The following SORCS3 variants were observed in gnomAD, a reference collection of about 807,000 sequenced individuals.
SORCS3 encodes the protein sortilin related VPS10 domain containing receptor 3.
In SORCS3, 57 loss-of-function variants were observed where a neutral mutation model predicts 146.3. That is an observed-to-expected ratio of 0.39 (90% confidence interval 0.31 to 0.49). The LOEUF (loss-of-function observed/expected upper bound fraction) is 0.49, where lower values mean the gene tolerates loss of function less well. Among genes scored for constraint, SORCS3 ranks in the 20% least tolerant of loss-of-function variants. The pLI, the probability that SORCS3 is intolerant of heterozygous loss-of-function variation, is 0.92. For synonymous variants in SORCS3, 653 were observed against 618.5 expected (o/e 1.06, Z -0.83); for missense variants, 1,341 against 1,575.5 (o/e 0.85, Z 2.52).
chr10:104,643,455 G>A (rs949803809), intron 1 of SORCS3, among the ~76,000 whole-genome samples: 24 of 152,354 alleles, frequency 1.6e-4, no homozygotes, highest in Middle Eastern at 3.4e-3. Context: ...AAGGACCAGT[G>A]AAGTCCAGCT....
intron 4 of SORCS3, among the ~76,000 whole-genome samples, chr10:105,026,569 A>G (rs1460027961): frequency 2.0e-5 from 3 of 152,244 alleles, no homozygotes; most frequent in Admixed American, 2.0e-4. Context: ...CAGACATGGA[A>G]TCAACCTAGA....
chr10:105,009,071 A>G (rs1489576852), intron 4 of SORCS3, among the ~76,000 whole-genome samples: 5 of 152,130 alleles, frequency 3.3e-5, no homozygotes, highest in African/African-American at 4.8e-5. Context: ...AGCAGTTACT[A>G]TATGTCAGTC....
At chr10:104,989,520 T>G (rs1055688640) in intron 4 of SORCS3, among the ~76,000 whole-genome samples, 1 of 152,204 alleles carries the variant, frequency 6.6e-6, no homozygotes, top group Non-Finnish European at 1.5e-5. Flanking sequence ...ATTTTTCTTT[T>G]GTAATTTCAT....
Position 104,880,122 on chromosome 10 carries a change from C to T in SORCS3, c.696-35711C>T, listed in dbSNP as rs573176149. Among the ~76,000 whole-genome samples the T allele has an allele frequency of 4.6e-5, 7 of 152,296 alleles. No individual in the cohort carries two copies. In the South Asian group the frequency reaches 1.0e-3, roughly 23 times the overall value. On this transcript the variant is annotated intron_variant, in intron 2 of 26. Coordinates refer to ENST00000369701, the MANE Select transcript of SORCS3 (RefSeq NM_014978.3). The stretch of plus-strand genomic sequence containing the variant: ...CTATAACTTCCTGGAGGGCGGCAAG[C>T]CTACGTTATCTTCCTCTTATATTCC...
At chr10:105,182,006 TG>T (rs2056445425) in intron 14 of SORCS3, among the ~76,000 whole-genome samples, 1 of 152,010 alleles carries the variant, frequency 6.6e-6, no homozygotes, top group South Asian at 2.1e-4. Flanking sequence ...TGATAAGAAA[TG>T]TTTGAACCAA....
intron 1 of SORCS3, among the ~76,000 whole-genome samples, chr10:104,767,101 A>C (rs948527033): frequency 6.6e-6 from 1 of 152,208 alleles, no homozygotes; most frequent in Non-Finnish European, 1.5e-5. Flanking sequence ...CTAGCCTCAC[A>C]TCCCCAAGTT....
At chr10:105,025,683 G>C (rs757318911) in intron 4 of SORCS3, among the ~76,000 whole-genome samples, 2 of 152,026 alleles carry the variant, frequency 1.3e-5, no homozygotes, top group African/African-American at 4.8e-5. Flanking sequence ...TCGCCTGTTT[G>C]GTTGTTTCCC....
At chr10:104,882,596 A>G (rs2018642441) in intron 2 of SORCS3, among the ~76,000 whole-genome samples, 1 of 152,172 alleles carries the variant, frequency 6.6e-6, no homozygotes, top group Non-Finnish European at 1.5e-5. Flanking sequence ...AGAGAGAGAA[A>G]GCATTGGGAA....
At chr10:105,241,482 C>G (rs2056822895) in intron 20 of SORCS3, among the ~76,000 whole-genome samples, 1 of 152,234 alleles carries the variant, frequency 6.6e-6, no homozygotes, top group Admixed American at 6.5e-5. Context: ...GGCCCCTTGC[C>G]TTGTCATGTG....
chr10:105,182,702 G>C (rs867171341), intron 14 of SORCS3, among the ~76,000 whole-genome samples: 1 of 152,018 alleles, frequency 6.6e-6, no homozygotes, highest in Non-Finnish European at 1.5e-5. Flanking sequence ...TGTTGATGTT[G>C]TTTGTTTGTT....
intron 20 of SORCS3, 143 bp from the exon 21 acceptor site, chr10:105,245,397 TCA>T (rs1448185833): frequency 8.8e-6 from 8 of 905,820 alleles, no homozygotes; most frequent in African/African-American, 3.3e-5. Context: ...GGAAGAATAA[TCA>T]CAGTTTTAAG....
rs1307053280 is a variant in SORCS3, at chr10:105,214,604, C to T, written c.2538C>T (p.Leu846=). The T allele has an allele frequency of 6.3e-7, 1 of 1,584,178 alleles. No homozygotes were observed. The highest frequency in any genetic ancestry group is 8.6e-7 in the Non-Finnish European group (1 of 1,164,914). ...EQGHNATFII[L]MEEGDLQRTN... ...GGCACAATGCAACTTTCATCATCCT[C>T]ATGGAGGAGGTAGGTGCTCAACTGG... is the stretch of plus-strand genomic sequence containing the variant. Residue 846 remains leucine, a synonymous_variant, in exon 18 of 27, where the codon CTC becomes CTT. Coordinates refer to ENST00000369701, the MANE Select transcript of SORCS3 (RefSeq NM_014978.3).
At chr10:104,829,263 T>C (rs532242879) in intron 1 of SORCS3, among the ~76,000 whole-genome samples, 68 of 152,300 alleles carry the variant, frequency 4.5e-4, no homozygotes, top group Middle Eastern at 3.4e-3. Context: ...AATTATAGTC[T>C]GGTGAGTAGC....
intron 2 of SORCS3, among the ~76,000 whole-genome samples, chr10:104,887,973 C>CGT (rs2018708275): frequency 3.4e-5 from 4 of 118,488 alleles, no homozygotes; most frequent in African/African-American, 1.5e-4. Flanking sequence ...GGGGCGGGGG[C>CGT]GGAGCAAGCC....
chr10:104,709,051 A>G (rs1035136162), intron 1 of SORCS3, among the ~76,000 whole-genome samples: 4 of 152,166 alleles, frequency 2.6e-5, no homozygotes, highest in Non-Finnish European at 5.9e-5. Context: ...GCTTTTGGTT[A>G]GACAGCAATT....
intron 16 of SORCS3, among the ~76,000 whole-genome samples, chr10:105,207,594 C>G (rs543980801): frequency 6.6e-6 from 1 of 152,260 alleles, no homozygotes; most frequent in Admixed American, 6.5e-5. Context: ...ACAGCTGGAG[C>G]TGCTTGTTTT....
Position 104,842,873 on chromosome 10 carries a change from A to C in SORCS3, c.695+14A>C. ...TTCACTATGGAGGTAAGCAGATTAGAGATTCTTAAGGAGCCACCCTGGCTT... is the reference window on the plus strand; with the variant it reads ...TTCACTATGGAGGTAAGCAGATTAGCGATTCTTAAGGAGCCACCCTGGCTT... On this transcript the variant is annotated intron_variant, in intron 2 of 26. Coordinates refer to ENST00000369701, the MANE Select transcript of SORCS3 (RefSeq NM_014978.3). 2 of 1,609,618 alleles carry C rather than the reference A, an allele frequency of 1.2e-6. No homozygotes were observed. Among genetic ancestry groups the C allele is most frequent in the Non-Finnish European group, 1.7e-6 (2 of 1,176,054 alleles).
At chr10:104,719,366 A>G (rs777904909) in intron 1 of SORCS3, among the ~76,000 whole-genome samples, 1 of 152,186 alleles carries the variant, frequency 6.6e-6, no homozygotes, top group Non-Finnish European at 1.5e-5. Flanking sequence ...TAATGGTTGC[A>G]GGGGTATAGG....
intron 2 of SORCS3, among the ~76,000 whole-genome samples, chr10:104,858,338 T>C (rs981591593): frequency 1.4e-4 from 22 of 152,348 alleles, no homozygotes; most frequent in Middle Eastern, 6.8e-3. Flanking sequence ...CCTATTTTTA[T>C]ATAATGTTTG....
Sources: allele counts gnomAD v4.1 joint callset (sites outside exome capture counted in the v4.1 genomes callset), GRCh38; gene constraint gnomAD v4.1.1; transcripts MANE v1.5; gene names NCBI Gene and HGNC (gene_info 2026-07-23, HGNC 2026-07-21).